DPP6: variants seen among roughly 807,000 people sequenced by gnomAD.
DPP6 encodes dipeptidyl peptidase like 6, also known as A-type potassium channel modulatory protein DPP6.
A neutral mutation model predicts 122.6 loss-of-function variants in DPP6; 69 were observed. The observed-to-expected ratio is 0.56, with a 90% confidence interval of 0.46 to 0.69. The LOEUF (loss-of-function observed/expected upper bound fraction) is 0.69, where lower values mean the gene tolerates loss of function less well. Among genes scored for constraint, DPP6 ranks in the 30% least tolerant of loss-of-function variants. The probability of loss-of-function intolerance (pLI) is 0.00; values close to 1 mark genes in which losing one functional copy is unlikely to be tolerated. For synonymous variants in DPP6, 418 were observed against 433.1 expected (o/e 0.97, Z 0.43); for missense variants, 928 against 1,116.9 (o/e 0.83, Z 2.41).
chr7:154,780,047 A>C (rs1796928900), intron 10 of DPP6, among the ~76,000 whole-genome samples: 1 of 152,098 alleles, frequency 6.6e-6, no homozygotes. Flanking sequence ...ACTCAAATGG[A>C]TTCATCTTAG....
intron 1 of DPP6, among the ~76,000 whole-genome samples, chr7:154,364,601 C>T (rs560185427): frequency 1.8e-4 from 27 of 152,160 alleles, no homozygotes; most frequent in African/African-American, 1.4e-4. Flanking sequence ...TGCATCCCTT[C>T]GGTGAGCTTA....
At chr7:154,186,120 C>T (rs1480245643) in intron 1 of DPP6, among the ~76,000 whole-genome samples, 3 of 152,194 alleles carry the variant, frequency 2.0e-5, no homozygotes, top group Non-Finnish European at 4.4e-5. Flanking sequence ...TGGTTCCTCC[C>T]AGCTCTGAGA....
Position 154,282,641 on chromosome 7 carries a change from A to G in DPP6, c.244-163573A>G, listed in dbSNP as rs1014495522. On this transcript the variant is annotated intron_variant, in intron 1 of 25. Coordinates refer to ENST00000377770, the MANE Select transcript of DPP6 (RefSeq NM_130797.4). The surrounding 1 kb of genome is among the most constrained non-coding windows in gnomAD (Gnocchi z 4.8). The stretch of plus-strand genomic sequence containing the variant: ...CTCCTTTGAGTTGCTATCAAATCGC[A>G]TATGTTGCATGCTTACTTGAAAGGA... Among the ~76,000 whole-genome samples, 1 of 150,564 alleles carries G rather than the reference A, an allele frequency of 6.6e-6. No individual in the cohort carries two copies. Among genetic ancestry groups the G allele is most frequent in the Admixed American group, 6.6e-5 (1 of 15,098 alleles).
intron 10 of DPP6, among the ~76,000 whole-genome samples, chr7:154,789,426 C>T (rs185318889): frequency 9.2e-5 from 14 of 152,310 alleles, no homozygotes; most frequent in Admixed American, 7.2e-4. Flanking sequence ...TTTCCTTCTG[C>T]GTTCTCATGG....
chr7:153,884,566 G>T (rs1798841178), upstream of DPP6, among the ~76,000 whole-genome samples: 1 of 152,184 alleles, frequency 6.6e-6, no homozygotes, highest in South Asian at 2.1e-4. Context: ...CTGCTATAAA[G>T]ACACATGCAC....
chr7:154,120,718 A>G (rs183080371), intron 1 of DPP6, among the ~76,000 whole-genome samples: 3 of 152,340 alleles, frequency 2.0e-5, no homozygotes, highest in African/African-American at 7.2e-5. Flanking sequence ...AGTTGATTAG[A>G]AACAGTACAC....
At chr7:154,835,800 T>A (rs1317852972) in intron 16 of DPP6, among the ~76,000 whole-genome samples, 1 of 152,246 alleles carries the variant, frequency 6.6e-6, no homozygotes, top group Non-Finnish European at 1.5e-5. Flanking sequence ...GAAATCAGAA[T>A]GCCTCTTAGG....
intron 1 of DPP6, among the ~76,000 whole-genome samples, chr7:153,999,099 A>G (rs758685): frequency 6.6e-6 from 1 of 152,242 alleles, no homozygotes; most frequent in Non-Finnish European, 1.5e-5. Context: ...TGGGCAGCCC[A>G]GCTCTCCTCT....
chr7:154,658,148 G>A (rs772870025), intron 6 of DPP6, among the ~76,000 whole-genome samples: 7 of 152,200 alleles, frequency 4.6e-5, no homozygotes, highest in Admixed American at 2.6e-4. Flanking sequence ...AGAACACACA[G>A]GCAAAGGGTG....
intron 1 of DPP6, among the ~76,000 whole-genome samples, chr7:154,387,384 A>G (rs996594617): frequency 6.6e-6 from 1 of 152,198 alleles, no homozygotes; most frequent in African/African-American, 2.4e-5. Context: ...CAAGATGGCA[A>G]TGAGATGCTA....
At chr7:153,958,896 C>T (rs1033474949) in intron 1 of DPP6, among the ~76,000 whole-genome samples, 12 of 151,778 alleles carry the variant, frequency 7.9e-5, no homozygotes, top group African/African-American at 1.9e-4. Context: ...GCTTGGCAAG[C>T]GCTTGGAACA....
chr7:154,885,726 A>G lies in DPP6; in HGVS notation c.2227A>G (p.Thr743Ala), dbSNP rs1266931174. 1.9e-6 allele frequency: 3 copies of G among 1,595,594 alleles called. No individual in the cohort carries two copies. In the African/African-American group the frequency reaches 4.0e-5, roughly 21 times the overall value. The change falls in exon 22 of 26, where the codon ACA becomes GCA. Residue 743 changes from threonine to alanine, a missense_variant. Physicochemically the swap from Thr to Ala is moderately conservative, Grantham distance 58. Coordinates refer to ENST00000377770, the MANE Select transcript of DPP6 (RefSeq NM_130797.4). ...CTGCGGCTCTGCTCTCTCTCCAATA[A>G]CAGACTTCAAACTCTATGGTAAATA... ...FTCGSALSPI[T>A]DFKLYASAFS...
intron 1 of DPP6, among the ~76,000 whole-genome samples, chr7:154,413,909 A>G (rs1816813986): frequency 6.6e-6 from 1 of 152,230 alleles, no homozygotes; most frequent in South Asian, 2.1e-4. Context: ...CAATCACAAA[A>G]TGCTTTCCTG....
chr7:153,955,816 G>C (rs187924489), intron 1 of DPP6, among the ~76,000 whole-genome samples: 1 of 152,304 alleles, frequency 6.6e-6, no homozygotes, highest in Admixed American at 6.5e-5. Flanking sequence ...TGGTAAATGG[G>C]AGAGCAGGGA....
chr7:154,545,823 A>G (rs1829139640), intron 4 of DPP6, among the ~76,000 whole-genome samples: 1 of 152,222 alleles, frequency 6.6e-6, no homozygotes, highest in Non-Finnish European at 1.5e-5. Flanking sequence ...GATGTAACGC[A>G]CCAGTTCAGA....
intron 11 of DPP6, among the ~76,000 whole-genome samples, chr7:154,795,235 G>T (rs970316163): frequency 2.1e-4 from 32 of 152,298 alleles, no homozygotes; most frequent in African/African-American, 6.7e-4. Context: ...TGCTCCAGGG[G>T]CCCGGAGGTC....
At chr7:154,696,337 G>C (rs758266762) in intron 7 of DPP6, among the ~76,000 whole-genome samples, 3 of 152,192 alleles carry the variant, frequency 2.0e-5, no homozygotes, top group Admixed American at 2.0e-4. Flanking sequence ...GGTTACACGG[G>C]ACCCAGTGAC....
At chr7:154,705,537 TCCAG>T (rs1840780211) in intron 7 of DPP6, among the ~76,000 whole-genome samples, 1 of 152,086 alleles carries the variant, frequency 6.6e-6, no homozygotes, top group Non-Finnish European at 1.5e-5. Context: ...ACTCTGAAGC[TCCAG>T]GAAAGGCATG....
chr7:154,279,937 A>G (rs1475769334), intron 1 of DPP6, among the ~76,000 whole-genome samples: 1 of 152,160 alleles, frequency 6.6e-6, no homozygotes, highest in African/African-American at 2.4e-5. Context: ...AGGATATTAC[A>G]CCATAGTTTT....
Sources: gnomAD v4.1 joint callset for allele counts (sites outside exome capture counted in the v4.1 genomes callset) on GRCh38, gnomAD v4.1.1 for gene constraint, Gnocchi (gnomAD v3.1) non-coding constraint, MANE v1.5 for transcripts, NCBI Gene and HGNC (gene_info 2026-07-23, HGNC 2026-07-21) for gene names.